NDUFAF5: variants seen among roughly 807,000 people sequenced by gnomAD.
The protein encoded by NDUFAF5 is NADH:ubiquinone oxidoreductase complex assembly factor 5.
In NDUFAF5, 34 loss-of-function variants were observed where a neutral mutation model predicts 48.9. The ratio of observed to expected loss-of-function variants is 0.70; its 90% CI spans 0.53 to 0.93. The LOEUF (loss-of-function observed/expected upper bound fraction) is 0.93. Ranked by LOEUF, NDUFAF5 falls within the 40% of genes least tolerant of loss-of-function variation. The pLI is 0.00. For synonymous variants in NDUFAF5, 153 were observed against 150.6 expected, an observed-to-expected ratio of 1.02 and a Z score of -0.12; for missense variants, 428 against 427.5, an observed-to-expected ratio of 1.00 and a Z score of -0.01.
chr20:13,814,460 G>A (rs1386950775), intron 8 of NDUFAF5: 1 of 1,289,060 alleles, frequency 7.8e-7, no homozygotes, highest in Middle Eastern at 2.1e-4. Context: ...AAAACAAGCT[G>A]CATATCAGCT....
intron 4 of NDUFAF5, among the ~76,000 whole-genome samples, chr20:13,794,622 T>G (rs1359816605): frequency 6.6e-6 from 1 of 152,240 alleles, no homozygotes; most frequent in Non-Finnish European, 1.5e-5. Flanking sequence ...GTTGGTATCC[T>G]GTTTATGTTG....
chr20:13,816,577 A>G (rs768228533), intron 9 of NDUFAF5, 31 bp downstream of exon 9: 2 of 1,550,170 alleles, frequency 1.3e-6, no homozygotes, highest in South Asian at 2.2e-5. Flanking sequence ...CACCCGCCTC[A>G]CCAAGGCACT....
chr20:13,796,125 T>G (rs1364627686), intron 5 of NDUFAF5, among the ~76,000 whole-genome samples: 1 of 152,212 alleles, frequency 6.6e-6, no homozygotes, highest in Non-Finnish European at 1.5e-5. Context: ...TTCAACTCTT[T>G]CGATAGCTGT....
At chr20:13,804,228 A>G (rs1984659956) in intron 7 of NDUFAF5, among the ~76,000 whole-genome samples, 1 of 152,176 alleles carries the variant, frequency 6.6e-6, no homozygotes. Context: ...GTGTCATGTC[A>G]TGTCTCCTCT....
At chr20:13,792,636 A>G (rs534654345) in intron 3 of NDUFAF5, among the ~76,000 whole-genome samples, 42 of 152,198 alleles carry the variant, frequency 2.8e-4, no homozygotes, top group Non-Finnish European at 5.6e-4. Flanking sequence ...CACAGACTAA[A>G]GATTGATAGA....
intron 6 of NDUFAF5, among the ~76,000 whole-genome samples, chr20:13,800,760 G>T (rs960745931): frequency 2.4e-4 from 36 of 152,338 alleles, no homozygotes; most frequent in Admixed American, 6.5e-4. Flanking sequence ...GGCAGTTGGG[G>T]CTGGATTTGG....
chr20:13,802,484 C>T (rs1464613654), intron 7 of NDUFAF5, among the ~76,000 whole-genome samples: 5 of 152,104 alleles, frequency 3.3e-5, no homozygotes, highest in South Asian at 2.1e-4. Context: ...ACTTGGCCAA[C>T]GTAGTGAAAC....
intron 1 of NDUFAF5, 63 bp downstream of exon 1, chr20:13,785,353 T>C (rs1019349949): frequency 1.7e-5 from 23 of 1,390,442 alleles, no homozygotes; most frequent in Non-Finnish European, 2.2e-5. Flanking sequence ...TCCTCTCCGC[T>C]AGTTCCGGCT....
Position 13,820,211 on chromosome 20 carries a change from A to C in NDUFAF5, c.*3001A>C, listed in dbSNP as rs1319033454. 1 of 152,224 alleles carries C rather than the reference A, an allele frequency of 6.6e-6. No individual in the cohort carries two copies. The highest frequency in any genetic ancestry group is 1.5e-5 in the Non-Finnish European group (1 of 68,038). 9.4% of individuals were successfully genotyped at this position (152,224 alleles called of 1,614,324 possible). On this transcript the variant is annotated 3_prime_UTR_variant, in exon 11 of 11. Coordinates refer to ENST00000378106, the MANE Select transcript of NDUFAF5 (RefSeq NM_024120.5). ...AAAGAATTTTTGCTTTATAGGAAGA[A>C]TTTGTAGGATTTATTGAGATGTAAG...
rs1299568524 is a variant in NDUFAF5, at chr20:13,821,416, AGCC to A, written c.*4207_*4209del. 1 of 152,300 alleles carries A rather than the reference AGCC, an allele frequency of 6.6e-6. No homozygotes were observed. The highest frequency in any genetic ancestry group is 1.5e-5 in the Non-Finnish European group (1 of 68,114). The allele number at this position is 152,300 out of a possible 1,614,324, so 9.4% of individuals were successfully genotyped here. ...CCTCCAGCCAAAAGCCATGTGAGGG[AGCC>A]ATCTTGGAAGCAATTCTCCAGGCCC... On this transcript the variant is annotated 3_prime_UTR_variant, in exon 11 of 11. Coordinates refer to ENST00000378106, the MANE Select transcript of NDUFAF5 (RefSeq NM_024120.5).
At chr20:13,807,335 C>G (rs1016381316) in intron 7 of NDUFAF5, among the ~76,000 whole-genome samples, 6 of 152,110 alleles carry the variant, frequency 3.9e-5, no homozygotes, top group Non-Finnish European at 7.3e-5. Context: ...CATGAGCCAT[C>G]GTGCCTGTCC....
rs888664601 is a variant in NDUFAF5, at chr20:13,817,785, A to C, written c.*575A>C. The C allele has an allele frequency of 1.1e-5, 5 of 454,024 alleles. No individual in the cohort carries two copies. In the Admixed American group the frequency reaches 1.2e-4, roughly 11 times the overall value. 28.1% of individuals were successfully genotyped at this position (454,024 alleles called of 1,614,324 possible). ...TTTAAAGAATACCAGAAGTAGAATC[A>C]CATGTAACAGTCTCTGCACAGTCAT... is the stretch of plus-strand genomic sequence containing the variant. On this transcript the variant is annotated 3_prime_UTR_variant, in exon 11 of 11. Transcript: ENST00000378106.
rs780771335 is a variant in NDUFAF5 at position 13,817,650 on chromosome 20, C to CT, written c.*449dup. 1.5e-4 allele frequency: 69 copies of CT among 453,680 alleles called. No homozygotes were observed. Among genetic ancestry groups the CT allele is most frequent in the East Asian group, 7.0e-4 (10 of 14,380 alleles). 28.1% of individuals were successfully genotyped at this position (453,680 alleles called of 1,614,324 possible). On this transcript the variant is annotated 3_prime_UTR_variant, in exon 11 of 11. Coordinates refer to ENST00000378106, the MANE Select transcript of NDUFAF5 (RefSeq NM_024120.5). ...ATCTTTATTAAATCCCTCCTCAACTCTTTTTTTTTAAAGCATCTGAATTTA... is the reference window on the plus strand; with the variant it reads ...ATCTTTATTAAATCCCTCCTCAACTCTTTTTTTTTTAAAGCATCTGAATTTA...
intron 5 of NDUFAF5, 140 bp from the exon 6 acceptor site, chr20:13,798,321 G>C: frequency 1.4e-6 from 1 of 707,846 alleles, no homozygotes; most frequent in Non-Finnish European, 2.6e-6. Context: ...AAACCTGTAT[G>C]AAAACGATCA....
At chr20:13,808,401 T>A (rs1454960725) in intron 7 of NDUFAF5, among the ~76,000 whole-genome samples, 1 of 152,162 alleles carries the variant, frequency 6.6e-6, no homozygotes, top group Non-Finnish European at 1.5e-5. Context: ...GCCTATTGGC[T>A]GCATTACTAG....
chr20:13,819,758 T>A lies in NDUFAF5; in HGVS notation c.*2548T>A. On this transcript the variant is annotated 3_prime_UTR_variant, in exon 11 of 11. Coordinates refer to ENST00000378106, the MANE Select transcript of NDUFAF5 (RefSeq NM_024120.5). ...CAGACTGGTCCCAAGAATGCTGTGG[T>A]TGGTTTTGTGTCTTTTCCAGCACTT... 1 of 152,192 alleles carries A rather than the reference T, an allele frequency of 6.6e-6. No individual in the cohort carries two copies. The highest frequency in any genetic ancestry group is 6.5e-5 in the Admixed American group (1 of 15,274). 9.4% of individuals were successfully genotyped at this position (152,192 alleles called of 1,614,324 possible). A position where few individuals can be genotyped will look rare whatever the true frequency, so the allele number is the denominator to read the frequency against.
chr20:13,794,386 A>T (rs4814260), intron 4 of NDUFAF5, among the ~76,000 whole-genome samples: 61,218 of 151,402 alleles, frequency 0.4, 12,641 homozygotes, highest in East Asian at 0.55. Flanking sequence ...TTCAAGCGAT[A>T]CTCCTGCCTC....
intron 3 of NDUFAF5, among the ~76,000 whole-genome samples, chr20:13,790,440 T>G (rs1201847824): frequency 5.3e-5 from 8 of 152,252 alleles, no homozygotes; most frequent in African/African-American, 1.7e-4. Flanking sequence ...CAAACTCTTA[T>G]GTCTTCTTGC....
chr20:13,794,247 A>G (rs1042516572), intron 4 of NDUFAF5, among the ~76,000 whole-genome samples: 1 of 150,516 alleles, frequency 6.6e-6, no homozygotes, highest in Non-Finnish European at 1.5e-5. Context: ...TTCATCTAGT[A>G]CTTCGGTTGT....
Sources: allele counts gnomAD v4.1 joint callset (sites outside exome capture counted in the v4.1 genomes callset), GRCh38; gene constraint gnomAD v4.1.1; transcripts MANE v1.5; gene names NCBI Gene and HGNC (gene_info 2026-07-23, HGNC 2026-07-21).